Variants in ZNF266 observed in about 807,000 individuals in gnomAD.
ZNF266 encodes zinc finger protein 1.
ZNF266 carries 16 observed loss-of-function variants against 16.4 expected under a neutral mutation model. That is an observed-to-expected ratio of 0.98 (90% CI 0.66 to 1.48). The LOEUF (loss-of-function observed/expected upper bound fraction) is 1.48, where lower values mean the gene tolerates loss of function less well. ZNF266 is among the 40% of genes most tolerant of loss of function. The pLI, the probability that ZNF266 is intolerant of heterozygous loss-of-function variation, is 0.00. For synonymous variants in ZNF266, 262 were observed against 237.9 expected (o/e 1.10, Z -0.93); for missense variants, 738 against 689.1 (o/e 1.07, Z -0.79).
At chr19:9,434,479 C>T (rs2072145032) in intron 3 of ZNF266, among the ~76,000 whole-genome samples, 1 of 152,122 alleles carries the variant, frequency 6.6e-6, no homozygotes, top group Admixed American at 6.5e-5. Context: ...AGAATACAAT[C>T]AGAACTACCA....
At chr19:9,431,816 A>T (rs1200039762) in intron 5 of ZNF266, among the ~76,000 whole-genome samples, 1 of 152,178 alleles carries the variant, frequency 6.6e-6, no homozygotes, top group African/African-American at 2.4e-5. Context: ...GACCCCAGAG[A>T]TCCCCACCTG....
At position 9,413,388 on chromosome 19, in the gene ZNF266, T is replaced by C; in HGVS notation, c.1738A>G (p.Thr580Ala). Residue 580 changes from threonine (T) to alanine (A), a missense_variant, in exon 11 of 11, where the codon ACT becomes GCT. Transcript: ENST00000592904. ...YSNSFQLHERTHTGEKPYECK... is the reference protein window; with the variant it reads ...YSNSFQLHERAHTGEKPYECK... ...TCATAGGGTTTCTCTCCAGTGTGAG[T>C]TCGTTCATGTAACTGAAACGAATTG... 6 of 1,614,206 alleles carry C rather than the reference T, an allele frequency of 3.7e-6. No individual in the cohort carries two copies. The highest frequency in any genetic ancestry group is 5.1e-6 in the Non-Finnish European group (6 of 1,180,030).
At chr19:9,415,602 T>C in intron 10 of ZNF266, 52 bp downstream of exon 10, 2 of 1,425,014 alleles carry the variant, frequency 1.4e-6, no homozygotes, top group Non-Finnish European at 2.0e-6. Flanking sequence ...TATAATGGAA[T>C]CCCCAATCAT....
intron 10 of ZNF266, 28 bp from the exon 11 acceptor site, chr19:9,414,748 A>G (rs371570964): frequency 5.2e-5 from 79 of 1,526,152 alleles, no homozygotes; most frequent in Middle Eastern, 3.5e-4. Flanking sequence ...AATGATGATT[A>G]AAGGACGGTT....
chr19:9,423,976 G>A (rs139306193), intron 5 of ZNF266, among the ~76,000 whole-genome samples: 4 of 152,230 alleles, frequency 2.6e-5, no homozygotes, highest in South Asian at 2.1e-4. Context: ...CAGCCTGGGC[G>A]ACAGAGCAAG....
In ZNF266 at chr19:9,413,985, G is replaced by A. The variant is rs1286492238; in HGVS notation, c.1141C>T (p.His381Tyr). The change falls in exon 11 of 11, where the codon CAT becomes TAT. Residue 381 changes from histidine (H) to tyrosine (Y), a missense_variant. Transcript: ENST00000592904. The stretch of plus-strand genomic sequence containing the variant: ...TCCTTTGCAGTGTGAGTTTTTAAAT[G>A]TTCAGTAAGTTGAGAAGATCTAGTG... ...AFTRSSQLTE[H>Y]LKTHTAKDPF... The A allele has an allele frequency of 1.9e-6, 3 of 1,614,050 alleles. No individual in the cohort carries two copies. The highest frequency in any genetic ancestry group is 1.7e-6 in the Non-Finnish European group (2 of 1,180,048).
chr19:9,433,372 G>A (rs2071935209), intron 5 of ZNF266, among the ~76,000 whole-genome samples: 1 of 152,018 alleles, frequency 6.6e-6, no homozygotes, highest in Non-Finnish European at 1.5e-5. Flanking sequence ...AAGGAGTCAC[G>A]CAGAGTGCTT....
At chr19:9,414,804 G>T in intron 10 of ZNF266, 84 bp from the exon 11 acceptor site, 1 of 1,386,992 alleles carries the variant, frequency 7.2e-7, no homozygotes, top group Non-Finnish European at 9.6e-7. Context: ...GGAACACTGT[G>T]ATGATTATTA....
intron 5 of ZNF266, among the ~76,000 whole-genome samples, chr19:9,427,915 C>G (rs2071002314): frequency 6.6e-6 from 1 of 151,374 alleles, no homozygotes; most frequent in Admixed American, 6.6e-5. Context: ...GCCTGATTTA[C>G]AAATTATAAT....
intron 5 of ZNF266, among the ~76,000 whole-genome samples, chr19:9,428,076 G>A (rs147969415): frequency 6.6e-6 from 1 of 152,202 alleles, no homozygotes; most frequent in East Asian, 1.9e-4. Flanking sequence ...CACTTACGAT[G>A]GTCATTAGCT....
At chr19:9,418,206 T>C (rs557355442) in intron 8 of ZNF266, among the ~76,000 whole-genome samples, 8 of 152,314 alleles carry the variant, frequency 5.3e-5, no homozygotes, top group African/African-American at 1.7e-4. Context: ...TTCTTCAACA[T>C]TATAGCACAT....
At chr19:9,423,635 T>C (rs2070264357) in intron 5 of ZNF266, among the ~76,000 whole-genome samples, 1 of 152,100 alleles carries the variant, frequency 6.6e-6, no homozygotes, top group African/African-American at 2.4e-5. Context: ...CAGGTCAAGG[T>C]GTACGCTTTG....
Position 9,413,612 on chromosome 19 carries a change from C to A in ZNF266, c.1514G>T (p.Cys505Phe). ...CGTAAATGCTTTACCACATTCCAGGCACTCAAAGGGCTTCTCTCCAGTGTG... is the reference window on the plus strand; with the variant it reads ...CGTAAATGCTTTACCACATTCCAGGAACTCAAAGGGCTTCTCTCCAGTGTG... ...RIHTGEKPFE[C>F]LECGKAFTHS... is the part of the protein sequence containing the mutation. Residue 505 changes from cysteine (C) to phenylalanine (F), a missense_variant, in exon 11 of 11, where the codon TGC (cysteine) becomes TTC (phenylalanine). By Grantham distance (205) the Cys-to-Phe change is radical (BLOSUM62 -2). Transcript: ENST00000592904. The A allele has an allele frequency of 6.2e-7, 1 of 1,614,204 alleles. No individual in the cohort carries two copies. Among genetic ancestry groups the A allele is most frequent in the African/African-American group, 1.3e-5 (1 of 75,056 alleles).
intron 10 of ZNF266, 33 bp downstream of exon 10, chr19:9,415,621 G>A (rs1207610221): frequency 1.9e-6 from 3 of 1,538,792 alleles, no homozygotes; most frequent in East Asian, 4.6e-5. Flanking sequence ...ATCTCTAAAT[G>A]TGAAAACTAA....
chr19:9,426,122 A>G (rs935486103), intron 5 of ZNF266, among the ~76,000 whole-genome samples: 1 of 152,006 alleles, frequency 6.6e-6, no homozygotes, highest in African/African-American at 2.4e-5. Context: ...ACTGCCTTCC[A>G]TTGCATCTGT....
In ZNF266 at chr19:9,417,808, G is replaced by T; in HGVS notation, c.316+20C>A. ...ACATACTGAACTTATTGACCAGGGC[G>T]GTCCTTTGTGAACACTCACCTTGGA... On this transcript the variant is annotated intron_variant, in intron 9 of 10. Transcript: ENST00000592904. 1.9e-6 allele frequency: 3 copies of T among 1,606,460 alleles called. No individual in the cohort carries two copies. Among genetic ancestry groups the T allele is most frequent in the Non-Finnish European group, 2.6e-6 (3 of 1,173,466 alleles).
At chr19:9,426,359 TGA>T in intron 5 of ZNF266, among the ~76,000 whole-genome samples, 1 of 151,994 alleles carries the variant, frequency 6.6e-6, no homozygotes, top group Non-Finnish European at 1.5e-5. Flanking sequence ...GGAAAGAAAC[TGA>T]TTGTCTTGAG....
At chr19:9,419,329 C>G (rs139596098) in intron 6 of ZNF266, 30 bp from the exon 7 acceptor site, 6 of 153,338 alleles carry the variant, frequency 3.9e-5, no homozygotes, top group African/African-American at 1.2e-4. Flanking sequence ...GCATGAGAAC[C>G]CAGGGCTGAC....
chr19:9,415,456 T>A (rs2068838294), intron 10 of ZNF266, among the ~76,000 whole-genome samples, 198 bp downstream of exon 10: 1 of 152,154 alleles, frequency 6.6e-6, no homozygotes, highest in Non-Finnish European at 1.5e-5. Context: ...TTAAATTTAG[T>A]TTTTAGCGCC....
Sources: allele counts gnomAD v4.1 joint callset (sites outside exome capture counted in the v4.1 genomes callset), GRCh38; gene constraint gnomAD v4.1.1; transcripts MANE v1.5; gene names NCBI Gene and HGNC (gene_info 2026-07-23, HGNC 2026-07-21).